Variants in TNC observed in about 807,000 individuals in gnomAD.
TNC encodes the protein tenascin C.
A neutral mutation model predicts 202.4 loss-of-function variants in TNC; 109 were observed. The ratio of observed to expected loss-of-function variants is 0.54; its 90% CI spans 0.46 to 0.63. The LOEUF (loss-of-function observed/expected upper bound fraction) is 0.63, where lower values mean the gene tolerates loss of function less well. TNC is among the 30% of genes least tolerant of loss of function. The pLI is 0.00. For missense variants in TNC, 2,756 were observed against 2,833.3 expected, an observed-to-expected ratio of 0.97 and a Z score of 0.62; for synonymous variants, 1,007 against 1,089.7, an observed-to-expected ratio of 0.92 and a Z score of 1.50.
intron 3 of TNC, 29 bp from the exon 4 acceptor site, chr9:115,084,501 G>A: frequency 4.4e-6 from 7 of 1,606,912 alleles, no homozygotes; most frequent in South Asian, 1.1e-5. Flanking sequence ...GACATCTGGT[G>A]TCAACAGTGT....
chr9:115,034,220 G>T (rs1830150538), intron 22 of TNC, among the ~76,000 whole-genome samples: 1 of 152,190 alleles, frequency 6.6e-6, no homozygotes, highest in Non-Finnish European at 1.5e-5. Context: ...AACATAATAA[G>T]ATGAAAGTTT....
rs766249252 is a variant in TNC, at chr9:115,076,378, T to C, written c.2860+12A>G. 5.6e-6 allele frequency: 9 copies of C among 1,613,492 alleles called. No individual in the cohort carries two copies. Among genetic ancestry groups the C allele is most frequent in the Non-Finnish European group, 7.6e-6 (9 of 1,179,780 alleles). On this transcript the variant is annotated intron_variant, in intron 8 of 27. Transcript: ENST00000350763. ...GCTGGCTGGCTCAGGCTTGCAGAGA[T>C]GCAGAGCTCACCTGTGAGTGTGGTT...
chr9:115,109,100 C>T (rs1484415282), intron 1 of TNC, among the ~76,000 whole-genome samples: 1 of 152,170 alleles, frequency 6.6e-6, no homozygotes, highest in African/African-American at 2.4e-5. Flanking sequence ...CCAAGTGTTT[C>T]CCAAACTCAT....
rs1002968234 is a variant in TNC at position 115,118,086 on chromosome 9, C to T, written c.-241G>A. The T allele has an allele frequency of 6.6e-6, 1 of 152,318 alleles. No homozygotes were observed. The highest frequency in any genetic ancestry group is 2.1e-4 in the South Asian group (1 of 4,834). The allele number at this position is 152,318 out of a possible 1,614,324, so 9.4% of individuals were successfully genotyped here. On this transcript the variant is annotated 5_prime_UTR_variant, in exon 1 of 28. Coordinates refer to ENST00000350763, the MANE Select transcript of TNC (RefSeq NM_002160.4). ...CCCCCGAGTTCCCCAGCAGCGCTGC[C>T]TTTGTGCCCACGGAGGCGGGGGCGT...
intron 12 of TNC, 136 bp from the exon 13 acceptor site, chr9:115,063,325 G>T: frequency 1.1e-6 from 1 of 902,806 alleles, no homozygotes; most frequent in Non-Finnish European, 1.7e-6. Flanking sequence ...TTTACAGCAG[G>T]TGTTGAGCAC....
chr9:115,063,272 GT>G, intron 12 of TNC, 83 bp from the exon 13 acceptor site: 1 of 1,437,766 alleles, frequency 7.0e-7, no homozygotes, highest in Non-Finnish European at 9.6e-7. Context: ...TTTGGCTAAG[GT>G]TGGGATGAGT....
chr9:115,040,873 C>A, intron 19 of TNC, 68 bp downstream of exon 19: 1 of 1,522,906 alleles, frequency 6.6e-7, no homozygotes, highest in Non-Finnish European at 8.8e-7. Flanking sequence ...TGAGAAATGG[C>A]ATAGGATGCA....
intron 26 of TNC, among the ~76,000 whole-genome samples, 189 bp from the exon 27 acceptor site, chr9:115,024,325 G>C (rs561289450): frequency 1.3e-5 from 2 of 152,264 alleles, no homozygotes; most frequent in East Asian, 1.9e-4. Flanking sequence ...ACTTATTTCC[G>C]ACAGAAGCAG....
chr9:115,096,430 A>C (rs148935903), intron 1 of TNC, among the ~76,000 whole-genome samples: 2 of 152,372 alleles, frequency 1.3e-5, no homozygotes, highest in East Asian at 3.8e-4. Context: ...GTGCAGATGA[A>C]GAACATCTCT....
chr9:115,087,935 C>T (rs1834925442), intron 2 of TNC, among the ~76,000 whole-genome samples: 1 of 152,030 alleles, frequency 6.6e-6, no homozygotes, highest in African/African-American at 2.4e-5. Context: ...AATATCCTGA[C>T]CTCGTGATCT....
chr9:115,026,191 G>A (rs979954956), intron 26 of TNC, among the ~76,000 whole-genome samples: 1 of 152,148 alleles, frequency 6.6e-6, no homozygotes, highest in Non-Finnish European at 1.5e-5. Context: ...AGAAGTGCTG[G>A]ATTGGATGAA....
rs57737243 is a variant in TNC, at chr9:115,028,924, GAAAAAAAAAAAAAAAAAAAAAA to G, written c.6169+414_6169+435del. Among the ~76,000 whole-genome samples, 83 of 63,962 alleles carry G rather than the reference GAAAAAAAAAAAAAAAAAAAAAA, an allele frequency of 1.3e-3. 2 individuals carry two copies. The East Asian group carries it at 0.03, about 23-fold the overall frequency. 42.0% of individuals were successfully genotyped at this position (63,962 alleles called of 152,430 possible). A position where few individuals can be genotyped will look rare whatever the true frequency, so the allele number is the denominator to read the frequency against. Reference sequence around the variant, plus strand: ...TACTAAAGCTCTCAACATTATCTCTGAAAAAAAAAAAAAAAAAAAAAAAAAAAAAAAAAAAAAAGAAAGTCAT... The same window carrying G: ...TACTAAAGCTCTCAACATTATCTCTGAAAAAAAAAAAAAAAAGAAAGTCAT... On this transcript the variant is annotated intron_variant, in intron 25 of 27. Coordinates refer to ENST00000350763, the MANE Select transcript of TNC (RefSeq NM_002160.4).
chr9:115,108,760 C>A (rs536704976), intron 1 of TNC, among the ~76,000 whole-genome samples: 4 of 152,140 alleles, frequency 2.6e-5, no homozygotes, highest in Non-Finnish European at 5.9e-5. Context: ...ATCATGAGGG[C>A]AGAGGCTTCA....
At chr9:115,077,840 T>A in intron 7 of TNC, 103 bp downstream of exon 7, 1 of 1,251,820 alleles carries the variant, frequency 8.0e-7, no homozygotes, top group Non-Finnish European at 1.1e-6. Flanking sequence ...CCTTTCATTT[T>A]TCGTACTGTA....
intron 1 of TNC, among the ~76,000 whole-genome samples, chr9:115,099,564 T>A (rs1836067282): frequency 6.6e-6 from 1 of 152,226 alleles, no homozygotes; most frequent in South Asian, 2.1e-4. Flanking sequence ...CTGTTTTGGT[T>A]GTGTAACATT....
At chr9:115,054,448 T>C (rs1831941441) in intron 15 of TNC, among the ~76,000 whole-genome samples, 1 of 152,242 alleles carries the variant, frequency 6.6e-6, no homozygotes, top group Admixed American at 6.5e-5. Context: ...ACTCTGTTAT[T>C]TCCCTATATT....
rs1295175710 is a variant in TNC at position 115,041,037 on chromosome 9, G to C, written c.5296C>G (p.Leu1766Val). Residue 1766 changes from leucine to valine, a missense_variant, in exon 19 of 28, where the codon CTG becomes GTG. Leu to Val is a conservative substitution (Grantham distance 32). Transcript: ENST00000350763. ...TCCACGCCAGGTATGAGTTTCACCA[G>C]CCTGGTCTGAGTCTTGGTTCCGTCC... The part of the protein sequence containing the change: ...TVDGTKTQTR[L>V]VKLIPGVEYL... 3.7e-6 allele frequency: 6 copies of C among 1,614,132 alleles called. No individual in the cohort carries two copies. The highest frequency in any genetic ancestry group is 1.7e-5 in the Admixed American group (1 of 60,016).
rs77310659 is a variant in TNC at position 115,020,777 on chromosome 9, T to C, written c.*380A>G. On this transcript the variant is annotated 3_prime_UTR_variant, in exon 28 of 28. Coordinates refer to ENST00000350763, the MANE Select transcript of TNC (RefSeq NM_002160.4). The stretch of plus-strand genomic sequence containing the variant: ...ATTTAATCTTTGCTAACAAAAATAA[T>C]GACAATTAATTATACAGCTTCATGT... The C allele has an allele frequency of 3.0e-4, 77 of 256,724 alleles. No individual in the cohort carries two copies. The highest frequency in any genetic ancestry group is 1.7e-3 in the African/African-American group (75 of 45,010). 15.9% of individuals were successfully genotyped at this position (256,724 alleles called of 1,614,324 possible). A position where few individuals can be genotyped will look rare whatever the true frequency, so the allele number is the denominator to read the frequency against.
intron 9 of TNC, 33 bp from the exon 10 acceptor site, chr9:115,073,899 A>G (rs895578667): frequency 1.6e-5 from 26 of 1,592,672 alleles, no homozygotes; most frequent in Non-Finnish European, 2.1e-5. Flanking sequence ...AATGCTCTTC[A>G]GGCTGCAAGA....
Sources: gnomAD v4.1 joint callset for allele counts (sites outside exome capture counted in the v4.1 genomes callset) on GRCh38, gnomAD v4.1.1 for gene constraint, MANE v1.5 for transcripts, NCBI Gene and HGNC (gene_info 2026-07-23, HGNC 2026-07-21) for gene names.